The following PCDH9 variants were observed in gnomAD, a reference collection of about 807,000 sequenced individuals.
PCDH9 encodes protocadherin 9.
Under a neutral mutation model 70.6 loss-of-function variants are expected in PCDH9, and 24 were observed. That is an observed-to-expected ratio of 0.34 (90% CI 0.25 to 0.48). The LOEUF is 0.48. PCDH9 is among the 20% of genes least tolerant of loss of function. PCDH9 has a pLI of 0.99. For synonymous variants in PCDH9, 562 were observed against 558.5 expected (o/e 1.01, Z -0.09); for missense variants, 1,281 against 1,503.6 (o/e 0.85, Z 2.45).
At chr13:66,768,222 A>G (rs1367843597) in intron 3 of PCDH9, among the ~76,000 whole-genome samples, 1 of 151,816 alleles carries the variant, frequency 6.6e-6, no homozygotes, top group Non-Finnish European at 1.5e-5. Context: ...TGTTCCCCCT[A>G]TGGCAATAGT....
intron 4 of PCDH9, among the ~76,000 whole-genome samples, chr13:66,345,665 A>G (rs1956201911): frequency 6.6e-6 from 1 of 152,160 alleles, no homozygotes; most frequent in African/African-American, 2.4e-5. Flanking sequence ...ACTAAGGAGC[A>G]TAAGGTTGAT....
intron 2 of PCDH9, among the ~76,000 whole-genome samples, chr13:66,955,185 C>T (rs1335018026): frequency 6.6e-6 from 1 of 152,168 alleles, no homozygotes; most frequent in Non-Finnish European, 1.5e-5. Context: ...AGAATTCTGA[C>T]AGAATTAAAG....
chr13:66,567,152 A>T (rs963668331), intron 4 of PCDH9, among the ~76,000 whole-genome samples: 1 of 152,180 alleles, frequency 6.6e-6, no homozygotes, highest in Non-Finnish European at 1.5e-5. Flanking sequence ...AGTTTAAGTC[A>T]ATATCATTCA....
chr13:66,721,623 A>G (rs2139154200), intron 3 of PCDH9, among the ~76,000 whole-genome samples: 1 of 152,274 alleles, frequency 6.6e-6, no homozygotes, highest in South Asian at 2.1e-4. Context: ...CCTGGAATTT[A>G]GAGAACAATA....
chr13:66,538,786 T>C (rs1393969380), intron 4 of PCDH9, among the ~76,000 whole-genome samples: 2 of 152,134 alleles, frequency 1.3e-5, no homozygotes, highest in Non-Finnish European at 2.9e-5. Context: ...AATTGACACA[T>C]AACTATCATA....
At chr13:66,559,522 C>T (rs773626707) in intron 4 of PCDH9, among the ~76,000 whole-genome samples, 21 of 151,934 alleles carry the variant, frequency 1.4e-4, no homozygotes, top group African/African-American at 4.8e-4. Flanking sequence ...ATCAGGAGGC[C>T]GGGCACAGTG....
chr13:66,542,699 T>TATATAAAAACATATATATGTTTAA (rs1961015344), intron 4 of PCDH9, among the ~76,000 whole-genome samples: 1 of 147,146 alleles, frequency 6.8e-6, no homozygotes, highest in Non-Finnish European at 1.5e-5. Context: ...TTTAAATATA[T>TATATAAAAACATATATATGTTTAA]ATATATAAAA....
At chr13:66,695,121 T>C (rs2078543087) in intron 3 of PCDH9, among the ~76,000 whole-genome samples, 1 of 152,260 alleles carries the variant, frequency 6.6e-6, no homozygotes, top group East Asian at 1.9e-4. Flanking sequence ...GCCAGGATGG[T>C]CTCGCTCTCA....
chr13:66,634,814 C>A (rs896360511), intron 3 of PCDH9, among the ~76,000 whole-genome samples: 2 of 151,960 alleles, frequency 1.3e-5, no homozygotes, highest in Non-Finnish European at 2.9e-5. Flanking sequence ...AAGTATTGTT[C>A]TTTCACAAGT....
chr13:66,907,856 C>T (rs952893095), intron 2 of PCDH9, among the ~76,000 whole-genome samples: 10 of 152,130 alleles, frequency 6.6e-5, no homozygotes, highest in African/African-American at 2.4e-4. Flanking sequence ...ATCAATAGCA[C>T]TTTCATAGAA....
intron 2 of PCDH9, among the ~76,000 whole-genome samples, chr13:67,196,090 C>G (rs952594421): frequency 6.6e-6 from 1 of 152,132 alleles, no homozygotes; most frequent in Non-Finnish European, 1.5e-5. Context: ...AGTAAACAAA[C>G]TCTATGGATA....
chr13:66,692,069 T>G (rs1287012242), intron 3 of PCDH9, among the ~76,000 whole-genome samples: 1 of 152,186 alleles, frequency 6.6e-6, no homozygotes, highest in African/African-American at 2.4e-5. Flanking sequence ...TATAAATCAG[T>G]TGCAAGTAGA....
chr13:67,113,616 C>T (rs1013742566), intron 2 of PCDH9, among the ~76,000 whole-genome samples: 1 of 151,796 alleles, frequency 6.6e-6, no homozygotes, highest in East Asian at 1.9e-4. Flanking sequence ...GGCGCCATCT[C>T]GGCTCACTGC....
chr13:66,370,513 ATT>A (rs34902558), intron 4 of PCDH9, among the ~76,000 whole-genome samples: 28 of 129,276 alleles, frequency 2.2e-4, no homozygotes, highest in Admixed American at 3.1e-4. Context: ...TTATGTATTC[ATT>A]TTTTTTTTTT....
intron 3 of PCDH9, among the ~76,000 whole-genome samples, chr13:66,660,149 T>C (rs2077989279): frequency 6.6e-6 from 1 of 152,308 alleles, no homozygotes; most frequent in East Asian, 1.9e-4. Context: ...AGACGAACAG[T>C]GGAGGAAAAG....
intron 3 of PCDH9, among the ~76,000 whole-genome samples, chr13:66,685,372 C>T (rs557446254): frequency 2.1e-4 from 32 of 152,314 alleles, no homozygotes; most frequent in Non-Finnish European, 4.0e-4. Context: ...TGCAAGTGCA[C>T]CGAAGTCAAA....
At chr13:67,187,024 GCAAA>G (rs2088777134) in intron 2 of PCDH9, among the ~76,000 whole-genome samples, 1 of 152,070 alleles carries the variant, frequency 6.6e-6, no homozygotes, top group Admixed American at 6.6e-5. Flanking sequence ...TTATGTGGAC[GCAAA>G]CAATTTCACA....
intron 4 of PCDH9, among the ~76,000 whole-genome samples, chr13:66,534,236 T>C (rs537868195): frequency 1.8e-4 from 28 of 152,244 alleles, no homozygotes; most frequent in Admixed American, 5.9e-4. Context: ...ACTCTAGTTT[T>C]ATAAAGATGG....
intron 2 of PCDH9, among the ~76,000 whole-genome samples, chr13:66,992,403 C>T (rs1032870746): frequency 3.3e-5 from 5 of 152,124 alleles, no homozygotes; most frequent in African/African-American, 1.2e-4. Context: ...AAATTCATAC[C>T]AAGCCTTCAG....
Sources: allele counts gnomAD v4.1 joint callset (sites outside exome capture counted in the v4.1 genomes callset), GRCh38; gene constraint gnomAD v4.1.1; transcripts MANE v1.5; gene names NCBI Gene and HGNC (gene_info 2026-07-23, HGNC 2026-07-21).